PAK1: variants seen among roughly 807,000 people sequenced by gnomAD.
The protein encoded by PAK1 is serine/threonine-protein kinase PAK 1.
A neutral mutation model predicts 67.4 loss-of-function variants in PAK1; 29 were observed. That is an observed-to-expected ratio of 0.43 (90% CI 0.32 to 0.59). PAK1 has a LOEUF of 0.59. PAK1 is among the 20% of genes least tolerant of loss of function. The probability of loss-of-function intolerance (pLI) is 0.07; values close to 1 mark genes in which losing one functional copy is unlikely to be tolerated. For synonymous variants in PAK1, 223 were observed against 237.4 expected, an observed-to-expected ratio of 0.94 and a Z score of 0.56; for missense variants, 337 against 670.7, an observed-to-expected ratio of 0.50 and a Z score of 5.50.
At chr11:77,491,085 G>A in the PAK1 span, among the ~76,000 whole-genome samples, 1 of 146,168 alleles carries the variant, frequency 6.8e-6, no homozygotes, top group African/African-American at 2.6e-5. Context: ...CTATGACCCT[G>A]CCAAATCCCC....
At chr11:77,337,568 A>G (rs1942908712) in intron 11 of PAK1, 145 bp from the exon 12 acceptor site, 2 of 458,696 alleles carry the variant, frequency 4.4e-6, no homozygotes, top group Non-Finnish European at 7.8e-6. Context: ...CCCCAAATCA[A>G]TCGCAGAGCC....
chr11:77,463,963 A>G (rs1957479846), intron 1 of PAK1, among the ~76,000 whole-genome samples: 1 of 152,274 alleles, frequency 6.6e-6, no homozygotes, highest in Non-Finnish European at 1.5e-5. Flanking sequence ...TAAAGTTTGT[A>G]AAGAGGTGAA....
Position 77,322,994 on chromosome 11 carries a change from A to T in PAK1, c.*280T>A. 1 of 619,418 alleles carries T rather than the reference A, an allele frequency of 1.6e-6. No individual in the cohort carries two copies. Among genetic ancestry groups the T allele is most frequent in the Non-Finnish European group, 2.9e-6 (1 of 348,776 alleles). The allele number at this position is 619,418 out of a possible 1,614,324, so 38.4% of individuals were successfully genotyped here. A position where few individuals can be genotyped will look rare whatever the true frequency, so the allele number is the denominator to read the frequency against. On this transcript the variant is annotated 3_prime_UTR_variant, in exon 15 of 15. Transcript: ENST00000356341. ...GGATTTTGACACACGGAAGACTAGA[A>T]ACATTTATTTATATAAACCCTTAAT...
At chr11:77,391,512 A>AAAGC (rs36043336) in intron 2 of PAK1, among the ~76,000 whole-genome samples, 36,638 of 151,972 alleles carry the variant, frequency 0.24, 4,992 homozygotes, top group Non-Finnish European at 0.31. Context: ...TTACACACAG[A>AAAGC]AAGCCAGTAT....
chr11:77,350,739 T>G (rs150988551), intron 8 of PAK1, among the ~76,000 whole-genome samples: 146 of 152,312 alleles, frequency 9.6e-4, no homozygotes, highest in African/African-American at 3.1e-3. Context: ...ATCATCACTC[T>G]TTAGTTGGGA....
At chr11:77,407,839 A>G (rs981538489) in intron 1 of PAK1, among the ~76,000 whole-genome samples, 19 of 152,240 alleles carry the variant, frequency 1.2e-4, no homozygotes, top group African/African-American at 4.6e-4. Context: ...AACAGGGACG[A>G]AGTCTGTTTC....
chr11:77,501,753 A>G, the PAK1 span, among the ~76,000 whole-genome samples: 1 of 152,218 alleles, frequency 6.6e-6, no homozygotes, highest in Admixed American at 6.5e-5. Context: ...GAAAAACAAG[A>G]GTCAAGACAT....
chr11:77,461,940 T>C (rs956910574), intron 1 of PAK1, among the ~76,000 whole-genome samples: 7 of 152,306 alleles, frequency 4.6e-5, no homozygotes, highest in African/African-American at 1.4e-4. Flanking sequence ...CTCAGTCCAA[T>C]GCCATTTTTC....
At chr11:77,330,823 G>A (rs368367337) in intron 14 of PAK1, among the ~76,000 whole-genome samples, 4,718 of 152,196 alleles carry the variant, frequency 0.031, 126 homozygotes, top group African/African-American at 0.076. Flanking sequence ...CACAGCAAAA[G>A]AAACCACCAT....
At chr11:77,374,208 G>A (rs1339890989) in intron 5 of PAK1, 120 bp downstream of exon 5, 1 of 534,860 alleles carries the variant, frequency 1.9e-6, no homozygotes, top group Non-Finnish European at 3.3e-6. Context: ...GAATTCTGAG[G>A]CCAAGGGTGC....
At chr11:77,482,951 T>A in the PAK1 span, among the ~76,000 whole-genome samples, 1 of 152,120 alleles carries the variant, frequency 6.6e-6, no homozygotes, top group East Asian at 1.9e-4. Context: ...AATCCCAGCA[T>A]TTTGGGAGGC....
chr11:77,422,726 A>G (rs1189086359), intron 1 of PAK1, among the ~76,000 whole-genome samples: 3 of 152,206 alleles, frequency 2.0e-5, no homozygotes, highest in Non-Finnish European at 2.9e-5. Flanking sequence ...TGCATGTGAC[A>G]AAGTTCTAGT....
intron 1 of PAK1, among the ~76,000 whole-genome samples, chr11:77,424,958 C>T (rs1269713962): frequency 6.6e-6 from 1 of 152,186 alleles, no homozygotes; most frequent in Non-Finnish European, 1.5e-5. Flanking sequence ...TCAATAATTA[C>T]ATCTACTGAA....
intron 1 of PAK1, among the ~76,000 whole-genome samples, chr11:77,403,110 CCCTA>C (rs1392091192): frequency 6.6e-6 from 1 of 152,224 alleles, no homozygotes; most frequent in African/African-American, 2.4e-5. Flanking sequence ...CCCTCTTACA[CCCTA>C]CCTATCAGTG....
chr11:77,490,295 C>CCCCCCCCCCCG, the PAK1 span, among the ~76,000 whole-genome samples: 1 of 147,924 alleles, frequency 6.8e-6, no homozygotes, highest in Non-Finnish European at 1.5e-5. Context: ...GGTCAGCCCC[C>CCCCCCCCCCCG]CCACCCGGCC....
chr11:77,426,097 T>C (rs905426780), intron 1 of PAK1, among the ~76,000 whole-genome samples: 3 of 150,638 alleles, frequency 2.0e-5, no homozygotes, highest in Non-Finnish European at 4.4e-5. Context: ...TTTTTTTTTT[T>C]TTTTACACCA....
intron 5 of PAK1, among the ~76,000 whole-genome samples, chr11:77,359,832 T>G (rs1445482258): frequency 6.6e-6 from 1 of 152,104 alleles, no homozygotes; most frequent in Admixed American, 6.6e-5. Flanking sequence ...CTCCAAAATA[T>G]GAGATTTTTG....
At chr11:77,325,384 A>C in intron 14 of PAK1, 1 of 1,613,222 alleles carries the variant, frequency 6.2e-7, no homozygotes, top group Non-Finnish European at 8.5e-7. Context: ...CACCTGTAAA[A>C]ATGAGAATAG....
Position 77,349,301 on chromosome 11 carries a change from T to C in PAK1, c.837-14A>G, listed in dbSNP as rs756039255. The C allele has an allele frequency of 1.2e-5, 19 of 1,592,894 alleles. No homozygotes were observed. The highest frequency in any genetic ancestry group is 1.0e-4 in the Admixed American group (6 of 57,670). Reference sequence around the variant, plus strand: ...GTGCCTGAAGCACTGAACAGTAAGGTGGCGGAGAAAGAGGGAAAAAAACAC... The same window carrying C: ...GTGCCTGAAGCACTGAACAGTAAGGCGGCGGAGAAAGAGGGAAAAAAACAC... On this transcript the variant is annotated splice_polypyrimidine_tract_variant and intron_variant, in intron 8 of 14. Transcript: ENST00000356341.
Sources: gnomAD v4.1 joint callset for allele counts (sites outside exome capture counted in the v4.1 genomes callset) on GRCh38, gnomAD v4.1.1 for gene constraint, MANE v1.5 for transcripts, NCBI Gene and HGNC (gene_info 2026-07-23, HGNC 2026-07-21) for gene names.